The following DHX57 variants were observed in gnomAD, a reference collection of about 807,000 sequenced individuals.
The protein encoded by DHX57 is putative ATP-dependent RNA helicase DHX57.
DHX57 carries 105 observed loss-of-function variants against 156.2 expected under a neutral mutation model. The observed-to-expected ratio is 0.67, with a 90% CI of 0.57 to 0.79. The LOEUF is 0.79. Ranked by LOEUF, DHX57 falls within the 30% of genes least tolerant of loss-of-function variation. The pLI, the probability that DHX57 is intolerant of heterozygous loss-of-function variation, is 0.00. For missense variants in DHX57, 1,847 were observed against 1,661.9 expected (o/e 1.11, Z -1.94); for synonymous variants, 704 against 595.6 (o/e 1.18, Z -2.65).
chr2:38,800,614 G>T (rs1669637005), intron 23 of DHX57, among the ~76,000 whole-genome samples: 1 of 152,176 alleles, frequency 6.6e-6, no homozygotes, highest in Non-Finnish European at 1.5e-5. Context: ...CATCCCTTTG[G>T]TCACAGGGAT....
chr2:38,816,915 A>G (rs1670573967), intron 19 of DHX57, among the ~76,000 whole-genome samples: 1 of 152,154 alleles, frequency 6.6e-6, no homozygotes, highest in Non-Finnish European at 1.5e-5. Context: ...TGAAAAAAAA[A>G]TTTAGTAGGA....
At chr2:38,808,623 A>C (rs776924880) in intron 21 of DHX57, among the ~76,000 whole-genome samples, 1 of 152,120 alleles carries the variant, frequency 6.6e-6, no homozygotes, top group African/African-American at 2.4e-5. Flanking sequence ...GTATATATGC[A>C]ATTGTTTCCT....
intron 21 of DHX57, chr2:38,810,407 G>A: frequency 2.0e-6 from 1 of 507,042 alleles, no homozygotes; most frequent in Non-Finnish European, 3.9e-6. Flanking sequence ...AAAGTGAGGT[G>A]GCCCTAGCTC....
chr2:38,857,810 C>A (rs1379624843), intron 6 of DHX57, among the ~76,000 whole-genome samples: 1 of 152,312 alleles, frequency 6.6e-6, no homozygotes, highest in East Asian at 1.9e-4. Flanking sequence ...CGATCTTGGG[C>A]ACATTATTTA....
chr2:38,850,300 T>A (rs966854557), intron 9 of DHX57, among the ~76,000 whole-genome samples: 5 of 152,166 alleles, frequency 3.3e-5, no homozygotes, highest in Admixed American at 6.6e-5. Context: ...CCTTTTTTTT[T>A]GAGACAAGGT....
chr2:38,829,448 G>T (rs3099985), intron 13 of DHX57, among the ~76,000 whole-genome samples: 54,176 of 151,360 alleles, frequency 0.36, 9,880 homozygotes, highest in Admixed American at 0.38. Context: ...AATTTTTGTA[G>T]TTTTAGTAGA....
chr2:38,854,638 T>G (rs1185308201), intron 8 of DHX57: 1 of 168,262 alleles, frequency 5.9e-6, no homozygotes, highest in Non-Finnish European at 1.3e-5. Context: ...CTCGGCTCAT[T>G]GCAACTTCCG....
rs1207071869 is a variant in DHX57, at chr2:38,826,039, G to T, written c.2822C>A (p.Ala941Asp). ...SGKMKEKRYD[A>D]SKGMESLEDT... is the part of the protein sequence containing the mutation. ...CTCTAGACTTTCCATCCCTTTGCTG[G>T]CATCATATCTATAAAGAAAAAGAAA... Residue 941 changes from alanine (A) to aspartate (D), a missense_variant, in exon 16 of 24, where the codon GCC (alanine) becomes GAC (aspartate). By Grantham distance (126) the Ala-to-Asp change is moderately radical. Transcript: ENST00000457308. The T allele has an allele frequency of 1.2e-6, 2 of 1,613,180 alleles. No homozygotes were observed. Among genetic ancestry groups the T allele is most frequent in the East Asian group, 2.2e-5 (1 of 44,868 alleles).
At chr2:38,867,833 C>G (rs1480503955) in intron 2 of DHX57, among the ~76,000 whole-genome samples, 1 of 152,206 alleles carries the variant, frequency 6.6e-6, no homozygotes, top group Non-Finnish European at 1.5e-5. Flanking sequence ...GATGGGATTA[C>G]AGGTGTGAGC....
At chr2:38,842,912 C>G (rs909145234) in intron 12 of DHX57, 93 bp downstream of exon 12, 12 of 1,368,722 alleles carry the variant, frequency 8.8e-6, no homozygotes, top group African/African-American at 1.4e-5. Flanking sequence ...AACTATGAAA[C>G]AAGAATCATA....
rs556185738 is a variant in DHX57 at position 38,816,226 on chromosome 2, T to C, written c.3472-571A>G. Reference sequence around the variant, plus strand: ...TCATTAAGTGATTCAATATTTTTTTTTTTTTTGAGACAGAGTCTTGCTCTG... The same window carrying C: ...TCATTAAGTGATTCAATATTTTTTTCTTTTTTGAGACAGAGTCTTGCTCTG... On this transcript the variant is annotated intron_variant, in intron 19 of 23. Coordinates refer to ENST00000457308, the MANE Select transcript of DHX57 (RefSeq NM_198963.3). 2.8e-5 allele frequency: 13 copies of C among 470,012 alleles called. No homozygotes were observed. In the East Asian group the frequency reaches 9.0e-4, roughly 33 times the overall value. The allele number at this position is 470,012 out of a possible 1,614,324, so 29.1% of individuals were successfully genotyped here. A position where few individuals can be genotyped will look rare whatever the true frequency, so the allele number is the denominator to read the frequency against.
At position 38,875,890 on chromosome 2, in the gene DHX57, G is replaced by T; in HGVS notation, c.-110C>A. On this transcript the variant is annotated 5_prime_UTR_variant, in exon 1 of 24. In the 5' UTR this introduces an upstream ATG that the reference lacks. Transcript: ENST00000457308. ...ACCCTCACGATTCTCACTTGGAGCA[G>T]CCCTGCGGTGGCCCAGCTGCAGCGG... 1 of 396,180 alleles carries T rather than the reference G, an allele frequency of 2.5e-6. No individual in the cohort carries two copies. 24.5% of individuals were successfully genotyped at this position (396,180 alleles called of 1,614,324 possible). A position where few individuals can be genotyped will look rare whatever the true frequency, so the allele number is the denominator to read the frequency against.
At chr2:38,829,853 G>A (rs1473260803) in intron 13 of DHX57, among the ~76,000 whole-genome samples, 1 of 152,108 alleles carries the variant, frequency 6.6e-6, no homozygotes, top group Non-Finnish European at 1.5e-5. Context: ...GGCCAATCTG[G>A]TAATCTAAAT....
chr2:38,858,257 T>C (rs911133836), intron 6 of DHX57, among the ~76,000 whole-genome samples: 3 of 152,200 alleles, frequency 2.0e-5, no homozygotes, highest in African/African-American at 4.8e-5. Context: ...AGACAGGGTT[T>C]TGCCATGTTG....
rs1267292405 is a variant in DHX57, at chr2:38,826,033, T to C, written c.2828A>G (p.Lys943Arg). ...KMKEKRYDAS[K>R]GMESLEDTFV... is the part of the protein sequence containing the mutation. ...GGTGTCCTCTAGACTTTCCATCCCT[T>C]TGCTGGCATCATATCTATAAAGAAA... The change falls in exon 16 of 24, where the codon AAA becomes AGA. Residue 943 changes from lysine (K) to arginine (R), a missense_variant. Coordinates refer to ENST00000457308, the MANE Select transcript of DHX57 (RefSeq NM_198963.3). The C allele has an allele frequency of 6.2e-7, 1 of 1,614,030 alleles. No homozygotes were observed. The highest frequency in any genetic ancestry group is 8.5e-7 in the Non-Finnish European group (1 of 1,179,908).
intron 6 of DHX57, among the ~76,000 whole-genome samples, chr2:38,857,494 A>C (rs71439234): frequency 0.017 from 2,559 of 152,286 alleles, 41 homozygotes; most frequent in Non-Finnish European, 0.028. Flanking sequence ...TGAATATCTA[A>C]TTTTTTGTTT....
intron 10 of DHX57, 39 bp downstream of exon 10, chr2:38,848,230 T>C (rs1257537795): frequency 1.2e-5 from 18 of 1,532,740 alleles, no homozygotes; most frequent in Admixed American, 8.7e-5. Flanking sequence ...TATATTTGCT[T>C]ATTAGAATGA....
At chr2:38,857,546 T>TATATAAA (rs1383671769) in intron 6 of DHX57, among the ~76,000 whole-genome samples, 2 of 152,232 alleles carry the variant, frequency 1.3e-5, no homozygotes, top group Admixed American at 6.5e-5. Flanking sequence ...CATTGTGATG[T>TATATAAA]TCTTTGGGTA....
At chr2:38,837,625 G>C (rs144315224) in intron 13 of DHX57, among the ~76,000 whole-genome samples, 1 of 33,948 alleles carries the variant, frequency 2.9e-5, no homozygotes, top group African/African-American at 7.0e-5. Context: ...AAAAAAAAAA[G>C]ATAAAGACTT....
Sources: allele counts gnomAD v4.1 joint callset (sites outside exome capture counted in the v4.1 genomes callset), GRCh38; gene constraint gnomAD v4.1.1; transcripts MANE v1.5; gene names NCBI Gene and HGNC (gene_info 2026-07-23, HGNC 2026-07-21).